Variants in GSE1 observed in about 807,000 individuals in gnomAD.
GSE1 encodes the protein genetic suppressor element 1.
GSE1 carries 32 observed loss-of-function variants against 112.6 expected under a neutral mutation model. The observed-to-expected ratio is 0.28, with a 90% confidence interval of 0.21 to 0.38. The LOEUF is 0.38. Ranked by LOEUF, GSE1 falls within the 10% of genes least tolerant of loss-of-function variation. The pLI is 1.00. For synonymous variants in GSE1, 1,115 were observed against 735.6 expected (o/e 1.52, Z -8.35); for missense variants, 2,348 against 1,699.2 (o/e 1.38, Z -6.71).
chr16:85,634,680 C>T (rs2049838309), intron 2 of GSE1, among the ~76,000 whole-genome samples: 1 of 152,204 alleles, frequency 6.6e-6, no homozygotes, highest in African/African-American at 2.4e-5. Flanking sequence ...GGGTCTGGAG[C>T]CTTGGCTTCT....
chr16:85,283,691 G>A (rs2044926655), intron 1 of GSE1: 1 of 152,280 alleles, frequency 6.6e-6, no homozygotes, highest in African/African-American at 2.4e-5. Context: ...TGAACGTGGG[G>A]TAAAACAGTA....
chr16:85,296,805 G>A (rs1358785501), intron 1 of GSE1, among the ~76,000 whole-genome samples: 2 of 151,116 alleles, frequency 1.3e-5, no homozygotes, highest in Non-Finnish European at 2.9e-5. Flanking sequence ...GGAAGGGACT[G>A]TCACTTGCTG....
intron 1 of GSE1, among the ~76,000 whole-genome samples, chr16:85,349,410 G>C (rs957877155): frequency 6.6e-6 from 1 of 152,152 alleles, no homozygotes; most frequent in East Asian, 1.9e-4. Flanking sequence ...GCTTTGGTGC[G>C]GGGCCACAGC....
At chr16:85,507,280 T>C (rs1031902731) in intron 2 of GSE1, among the ~76,000 whole-genome samples, 1 of 152,228 alleles carries the variant, frequency 6.6e-6, no homozygotes, top group Non-Finnish European at 1.5e-5. Context: ...GTCCTCGGCA[T>C]TCTGCTTACG....
At chr16:85,659,500 C>T (rs1442787970) in intron 8 of GSE1, 1 of 152,208 alleles carries the variant, frequency 6.6e-6, no homozygotes, top group Non-Finnish European at 1.5e-5. Context: ...CAGCTAAGTC[C>T]AGCACAAATA....
intron 1 of GSE1, among the ~76,000 whole-genome samples, chr16:85,355,364 G>A (rs948873089): frequency 3.3e-5 from 5 of 152,192 alleles, no homozygotes; most frequent in African/African-American, 4.8e-5. Context: ...TTCAAGCTGG[G>A]GCTTAGCTCA....
chr16:85,420,304 C>T (rs572238506), intron 2 of GSE1, among the ~76,000 whole-genome samples: 2 of 152,230 alleles, frequency 1.3e-5, no homozygotes, highest in Admixed American at 1.3e-4. Context: ...GGGAGTGTGG[C>T]CCTGCGGACA....
intron 2 of GSE1, among the ~76,000 whole-genome samples, chr16:85,389,796 G>A (rs1597576725): frequency 2.0e-5 from 3 of 152,300 alleles, no homozygotes; most frequent in South Asian, 4.1e-4. Context: ...AGCCTGCAAG[G>A]CAGGTGCTAG....
chr16:85,644,500 C>T (rs187644460), intron 2 of GSE1, among the ~76,000 whole-genome samples: 11 of 152,162 alleles, frequency 7.2e-5, no homozygotes, highest in Admixed American at 6.6e-4. Context: ...AGGAGAGATT[C>T]TCTTAGGTGC....
intron 2 of GSE1, among the ~76,000 whole-genome samples, chr16:85,550,068 C>T (rs910048134): frequency 1.3e-5 from 2 of 152,174 alleles, no homozygotes; most frequent in African/African-American, 2.4e-5. Flanking sequence ...TGCCAGGCAC[C>T]GGTGTGATTA....
At chr16:85,223,599 T>C (rs1356561035) in intron 1 of GSE1, among the ~76,000 whole-genome samples, 1 of 152,010 alleles carries the variant, frequency 6.6e-6, no homozygotes, top group African/African-American at 2.4e-5. Context: ...TATTTTTATT[T>C]TTTGTTTTTT....
chr16:85,402,454 A>C (rs2048137655), intron 2 of GSE1, among the ~76,000 whole-genome samples: 1 of 152,162 alleles, frequency 6.6e-6, no homozygotes, highest in African/African-American at 2.4e-5. Flanking sequence ...GGTTTCTCTG[A>C]GGGCCGGGGC....
intron 8 of GSE1, chr16:85,659,561 A>ACC (rs1050217279): frequency 3.9e-5 from 6 of 152,276 alleles, no homozygotes; most frequent in African/African-American, 1.4e-4. Flanking sequence ...GGAGGGGTGA[A>ACC]CCAGGGCAGG....
At chr16:85,342,094 C>T (rs2046636194) in intron 1 of GSE1, among the ~76,000 whole-genome samples, 1 of 152,170 alleles carries the variant, frequency 6.6e-6, no homozygotes, top group African/African-American at 2.4e-5. Context: ...CAGCCCATCA[C>T]TGCCACCTCC....
intron 1 of GSE1, among the ~76,000 whole-genome samples, chr16:85,343,912 C>T (rs1185180248): frequency 6.6e-6 from 1 of 152,204 alleles, no homozygotes; most frequent in African/African-American, 2.4e-5. Context: ...CCTCCCGTGC[C>T]ACTTGCTCCT....
At chr16:85,477,566 GT>G (rs553936246) in intron 2 of GSE1, among the ~76,000 whole-genome samples, 13 of 128,072 alleles carry the variant, frequency 1.0e-4, no homozygotes, top group East Asian at 2.2e-4. Flanking sequence ...TTTTTTTTTT[GT>G]TTTTTTTTTT....
upstream of GSE1, among the ~76,000 whole-genome samples, chr16:85,607,276 G>T (rs926829193): frequency 1.5e-4 from 23 of 152,140 alleles, no homozygotes; most frequent in African/African-American, 5.1e-4. Context: ...GAGCTGGGGG[G>T]CGGTTGGTAG....
chr16:85,241,166 C>T (rs1054364655), intron 1 of GSE1, among the ~76,000 whole-genome samples: 3 of 100,748 alleles, frequency 3.0e-5, no homozygotes, highest in African/African-American at 6.2e-5. Context: ...ACCTTGGGCT[C>T]GGCTGCGTGA....
At chr16:85,190,804 G>A (rs922688294) in intron 1 of GSE1, among the ~76,000 whole-genome samples, 7 of 152,250 alleles carry the variant, frequency 4.6e-5, no homozygotes, top group African/African-American at 1.7e-4. Context: ...AAGCCTGTGT[G>A]GGATTCCTGG....
Sources: allele counts gnomAD v4.1 joint callset (sites outside exome capture counted in the v4.1 genomes callset), GRCh38; gene constraint gnomAD v4.1.1; transcripts MANE v1.5; gene names NCBI Gene and HGNC (gene_info 2026-07-23, HGNC 2026-07-21).